SGCE: variants seen among roughly 807,000 people sequenced by gnomAD.
SGCE encodes the protein sarcoglycan epsilon.
In SGCE, 26 loss-of-function variants were observed where a neutral mutation model predicts 57.8. The ratio of observed to expected loss-of-function variants is 0.45; its 90% CI spans 0.33 to 0.62. SGCE has a LOEUF of 0.62. Among genes scored for constraint, SGCE ranks in the 20% least tolerant of loss-of-function variants. SGCE has a pLI of 0.02. For missense variants in SGCE, 468 were observed against 548.6 expected (o/e 0.85, Z 1.47); for synonymous variants, 183 against 189.5 (o/e 0.97, Z 0.28).
At chr7:94,645,514 C>A (rs1806932152) in intron 1 of SGCE, among the ~76,000 whole-genome samples, 1 of 152,142 alleles carries the variant, frequency 6.6e-6, no homozygotes, top group Non-Finnish European at 1.5e-5. Flanking sequence ...AGAAATGTTA[C>A]AGCAAGGCTT....
chr7:94,649,741 GAA>G (rs1228768397), intron 1 of SGCE, among the ~76,000 whole-genome samples: 1 of 152,212 alleles, frequency 6.6e-6, no homozygotes, highest in Non-Finnish European at 1.5e-5. Context: ...CAGTCAGAGT[GAA>G]AGTGACTGCA....
chr7:94,610,163 T>C (rs1478113033), intron 5 of SGCE, among the ~76,000 whole-genome samples: 1 of 152,136 alleles, frequency 6.6e-6, no homozygotes, highest in Non-Finnish European at 1.5e-5. Flanking sequence ...AAAACCACTA[T>C]GGAGACAGTA....
In SGCE at chr7:94,628,230, T is replaced by TCAG; in HGVS notation, c.359_361dup (p.Ala120dup). 3 of 1,612,020 alleles carry TCAG rather than the reference T, an allele frequency of 1.9e-6. No homozygotes were observed. Among genetic ancestry groups the TCAG allele is most frequent in the Non-Finnish European group, 2.5e-6 (3 of 1,178,786 alleles). ...AATGATTGTTGGCTTCCCCACATTT[T>TCAG]CAGCTGTTGGGGACCCATATAGGAC... On this transcript the variant is annotated inframe_insertion, in exon 3 of 11. Transcript: ENST00000648936.
At chr7:94,623,185 T>A in intron 4 of SGCE, 140 bp downstream of exon 4, 2 of 577,996 alleles carry the variant, frequency 3.5e-6, no homozygotes, top group Admixed American at 6.6e-5. Flanking sequence ...TTGCTTAGTT[T>A]TCTTTTCTAT....
At chr7:94,645,155 C>A (rs570556810) in intron 1 of SGCE, among the ~76,000 whole-genome samples, 56 of 152,272 alleles carry the variant, frequency 3.7e-4, no homozygotes, top group African/African-American at 1.3e-3. Flanking sequence ...ATCAATACTA[C>A]CCCCAAATAC....
intron 9 of SGCE, among the ~76,000 whole-genome samples, chr7:94,591,486 A>T (rs1380919818): frequency 6.6e-6 from 1 of 152,178 alleles, no homozygotes; most frequent in African/African-American, 2.4e-5. Flanking sequence ...ACAAAAATCA[A>T]ACAGGATAAA....
chr7:94,629,047 T>C (rs1398006722), intron 2 of SGCE: 1 of 152,258 alleles, frequency 6.6e-6, no homozygotes, highest in Non-Finnish European at 1.5e-5. Context: ...GTTATATCAA[T>C]TCTAATGCTA....
Position 94,645,239 on chromosome 7 carries a change from G to T in SGCE, c.109+10751C>A, listed in dbSNP as rs77955107. On this transcript the variant is annotated intron_variant, in intron 1 of 10. Transcript: ENST00000648936. ...TAGGTGATTTTGTTGTGCAGTCAAA[G>T]AATGTACTTACACAAAATGATATAC... 9.0e-3 allele frequency among the ~76,000 whole-genome samples: 1,369 copies of T among 152,254 alleles called. 19 individuals are homozygous for T. Among genetic ancestry groups the T allele is most frequent in the African/African-American group, 0.031 (1,296 of 41,562 alleles).
intron 5 of SGCE, chr7:94,616,978 G>A (rs1229044219): frequency 1.3e-5 from 2 of 152,194 alleles, no homozygotes; most frequent in Non-Finnish European, 2.9e-5. Context: ...AATGCCACGG[G>A]ACTGATTCTC....
At chr7:94,605,568 C>G (rs1045076744) in intron 5 of SGCE, among the ~76,000 whole-genome samples, 6 of 151,848 alleles carry the variant, frequency 4.0e-5, no homozygotes, top group African/African-American at 1.5e-4. Context: ...CATAAGATAC[C>G]TGCAATACCT....
intron 5 of SGCE, among the ~76,000 whole-genome samples, chr7:94,614,472 T>C (rs776243051): frequency 2.6e-5 from 4 of 152,240 alleles, no homozygotes; most frequent in African/African-American, 7.2e-5. Flanking sequence ...TTACATGGTC[T>C]GGTCTTTGCC....
At chr7:94,627,830 G>C (rs767197178) in intron 3 of SGCE, 28 of 208,236 alleles carry the variant, frequency 1.3e-4, no homozygotes, top group Non-Finnish European at 2.4e-4. Flanking sequence ...CAAGTAGCAG[G>C]GGTATATGTC....
intron 5 of SGCE, among the ~76,000 whole-genome samples, chr7:94,607,048 CAGGAAACT>C (rs978981063): frequency 1.3e-5 from 2 of 151,740 alleles, no homozygotes; most frequent in Admixed American, 6.6e-5. Flanking sequence ...ACCTCCCCCT[CAGGAAACT>C]AGAAAAAGAA....
intron 1 of SGCE, among the ~76,000 whole-genome samples, chr7:94,637,281 AC>A (rs1020655301): frequency 6.6e-6 from 1 of 152,184 alleles, no homozygotes; most frequent in African/African-American, 2.4e-5. Flanking sequence ...AAGTGATGAA[AC>A]AATTCTCCTC....
chr7:94,635,928 GT>G (rs553327103), intron 1 of SGCE, among the ~76,000 whole-genome samples: 1 of 149,690 alleles, frequency 6.7e-6, no homozygotes, highest in Non-Finnish European at 1.5e-5. Flanking sequence ...GCCAGCTATT[GT>G]TTTTTTTTCA....
intron 5 of SGCE, among the ~76,000 whole-genome samples, chr7:94,616,004 C>A (rs1049580940): frequency 5.9e-5 from 9 of 152,186 alleles, no homozygotes; most frequent in Non-Finnish European, 1.3e-4. Context: ...GAGGGCTCAG[C>A]CTTCCTTTGC....
chr7:94,621,224 T>C (rs369593731), intron 4 of SGCE: 2 of 152,334 alleles, frequency 1.3e-5, no homozygotes, highest in East Asian at 1.9e-4. Context: ...ACTGCACATA[T>C]ACATTTCTGT....
chr7:94,587,704 A>T, intron 10 of SGCE: 2 of 1,534,332 alleles, frequency 1.3e-6, no homozygotes, highest in Non-Finnish European at 1.8e-6. Context: ...TAAAGCAAGT[A>T]ATCAAAATTG....
chr7:94,608,858 T>A (rs1201241079), intron 5 of SGCE, among the ~76,000 whole-genome samples: 2 of 152,180 alleles, frequency 1.3e-5, no homozygotes, highest in African/African-American at 4.8e-5. Flanking sequence ...TTGAAAAAAC[T>A]AGACTTATAC....
Sources: allele counts gnomAD v4.1 joint callset (sites outside exome capture counted in the v4.1 genomes callset), GRCh38; gene constraint gnomAD v4.1.1; transcripts MANE v1.5; gene names NCBI Gene and HGNC (gene_info 2026-07-23, HGNC 2026-07-21).